MED12L: variants seen among roughly 807,000 people sequenced by gnomAD.
The protein encoded by MED12L is mediator of RNA polymerase II transcription subunit 12-like protein.
MED12L carries 60 observed loss-of-function variants against 281.3 expected under a neutral mutation model. The ratio of observed to expected loss-of-function variants is 0.21; its 90% CI spans 0.17 to 0.26. The LOEUF (loss-of-function observed/expected upper bound fraction) is 0.26, where lower values mean the gene tolerates loss of function less well. Among genes scored for constraint, MED12L ranks in the 10% least tolerant of loss-of-function variants. The pLI, the probability that MED12L is intolerant of heterozygous loss-of-function variation, is 1.00. For missense variants in MED12L, 2,146 were observed against 2,680.9 expected (o/e 0.80, Z 4.41); for synonymous variants, 974 against 987.2 (o/e 0.99, Z 0.25).
chr3:151,175,093 A>T (rs1411752988), intron 11 of MED12L, among the ~76,000 whole-genome samples: 1 of 152,234 alleles, frequency 6.6e-6, no homozygotes, highest in Non-Finnish European at 1.5e-5. Flanking sequence ...CTATTATCTT[A>T]TATTGGTGAC....
intron 16 of MED12L, among the ~76,000 whole-genome samples, chr3:151,321,517 A>T (rs560156548): frequency 6.6e-5 from 10 of 152,276 alleles, no homozygotes; most frequent in South Asian, 2.1e-4. Flanking sequence ...TATTTTTTTT[A>T]AAAAACCCAA....
At chr3:151,124,143 T>C (rs1560070602) in intron 4 of MED12L, among the ~76,000 whole-genome samples, 3 of 152,356 alleles carry the variant, frequency 2.0e-5, no homozygotes, top group Non-Finnish European at 2.9e-5. Flanking sequence ...ATACTTTCCA[T>C]GTTGCCAGCC....
At chr3:151,310,668 A>G (rs959756012) in intron 16 of MED12L, among the ~76,000 whole-genome samples, 1 of 152,208 alleles carries the variant, frequency 6.6e-6, no homozygotes, top group African/African-American at 2.4e-5. Flanking sequence ...AATTTCTCAT[A>G]TGGTTTTTAA....
chr3:151,360,654 T>G (rs1754494796), intron 21 of MED12L, 49 bp downstream of exon 21: 1 of 1,525,598 alleles, frequency 6.6e-7, no homozygotes, highest in Non-Finnish European at 8.9e-7. Context: ...TGCCTATGTT[T>G]GTTAGTGACC....
At position 151,436,425 on chromosome 3, in the gene MED12L, T is replaced by C. The variant is rs1483151355; in HGVS notation, c.*3621T>C. ...ACATTAGCCATTTGTTATTTTATAG[T>C]GAACCGTTTCAATGTTTGTTTATTG... On this transcript the variant is annotated 3_prime_UTR_variant, in exon 45 of 45. Coordinates refer to ENST00000687756, the MANE Select transcript of MED12L (RefSeq NM_001393769.1). 3 of 309,556 alleles carry C rather than the reference T, an allele frequency of 9.7e-6. No homozygotes were observed. The highest frequency in any genetic ancestry group is 1.8e-5 in the Non-Finnish European group (3 of 168,904). The allele number at this position is 309,556 out of a possible 1,614,324, so 19.2% of individuals were successfully genotyped here. A position where few individuals can be genotyped will look rare whatever the true frequency, so the allele number is the denominator to read the frequency against.
intron 16 of MED12L, among the ~76,000 whole-genome samples, chr3:151,245,610 G>A (rs1212423583): frequency 9.4e-5 from 14 of 149,540 alleles, no homozygotes; most frequent in African/African-American, 3.0e-4. Context: ...GGTATTGATG[G>A]GATGTATTTC....
rs1719847975 is a variant in MED12L at position 151,434,280 on chromosome 3, A to G, written c.*1476A>G. The G allele has an allele frequency of 6.6e-6, 1 of 152,182 alleles. No individual in the cohort carries two copies. Among genetic ancestry groups the G allele is most frequent in the Non-Finnish European group, 1.5e-5 (1 of 68,042 alleles). The allele number at this position is 152,182 out of a possible 1,614,324, so 9.4% of individuals were successfully genotyped here. A position where few individuals can be genotyped will look rare whatever the true frequency, so the allele number is the denominator to read the frequency against. On this transcript the variant is annotated 3_prime_UTR_variant, in exon 45 of 45. Coordinates refer to ENST00000687756, the MANE Select transcript of MED12L (RefSeq NM_001393769.1). Reference sequence around the variant, plus strand: ...TAGACATTTTCTTTTGCAAATCATTATCTATAAATAATTTATATCTTCCTG... The same window carrying G: ...TAGACATTTTCTTTTGCAAATCATTGTCTATAAATAATTTATATCTTCCTG...
intron 20 of MED12L, among the ~76,000 whole-genome samples, chr3:151,359,815 CA>C (rs1234294178): frequency 1.3e-5 from 2 of 152,098 alleles, no homozygotes; most frequent in Admixed American, 6.6e-5. Flanking sequence ...GAATGGACCA[CA>C]AGTGTTTACA....
chr3:151,372,773 T>A lies in MED12L; in HGVS notation c.3864+7T>A, dbSNP rs544948498. ...GAGGACTATCTGTCAACAGGTATTCTAATTTAATTTGCCTTTTACTTTGAG... is the reference window on the plus strand; with the variant it reads ...GAGGACTATCTGTCAACAGGTATTCAAATTTAATTTGCCTTTTACTTTGAG... On this transcript the variant is annotated splice_region_variant and intron_variant, in intron 27 of 44. Coordinates refer to ENST00000687756, the MANE Select transcript of MED12L (RefSeq NM_001393769.1). 6.2e-7 allele frequency: 1 copy of A among 1,608,688 alleles called. No individual in the cohort carries two copies. Among genetic ancestry groups the A allele is most frequent in the East Asian group, 2.2e-5 (1 of 44,844 alleles).
Position 151,289,897 on chromosome 3 carries a change from T to A in MED12L, c.2251-60162T>A, listed in dbSNP as rs985493213. 3.5e-5 allele frequency among the ~76,000 whole-genome samples: 5 copies of A among 144,840 alleles called. 1 individual carries two copies. The South Asian group carries it at 1.1e-3, about 33-fold the overall frequency. On this transcript the variant is annotated intron_variant, in intron 16 of 44. Coordinates refer to ENST00000687756, the MANE Select transcript of MED12L (RefSeq NM_001393769.1). Reference sequence around the variant, plus strand: ...TCGAACACAATTTTTTTTTTTTTTTTAAAGACAGAGTCTTGCTCTGTCACG... The same window carrying A: ...TCGAACACAATTTTTTTTTTTTTTTAAAAGACAGAGTCTTGCTCTGTCACG...
At chr3:151,172,587 G>A (rs1003939768) in intron 11 of MED12L, among the ~76,000 whole-genome samples, 3 of 152,182 alleles carry the variant, frequency 2.0e-5, no homozygotes, top group African/African-American at 4.8e-5. Flanking sequence ...GCAGTTGGAT[G>A]GCATTGATCC....
chr3:151,383,317 G>A (rs139876855), intron 33 of MED12L, among the ~76,000 whole-genome samples: 473 of 152,292 alleles, frequency 3.1e-3, no homozygotes, highest in African/African-American at 0.011. Flanking sequence ...GTAGGTGTGC[G>A]GGCCAAGCCT....
chr3:151,282,888 T>C (rs1743000917), intron 16 of MED12L, among the ~76,000 whole-genome samples: 1 of 152,244 alleles, frequency 6.6e-6, no homozygotes, highest in African/African-American at 2.4e-5. Context: ...CCTTTTTATG[T>C]TTCCCTATGT....
chr3:151,376,245 T>C (rs1756838198), intron 28 of MED12L, 31 bp downstream of exon 28: 1 of 1,350,426 alleles, frequency 7.4e-7, no homozygotes. Context: ...GTTTCTGTCA[T>C]TTGATAAATT....
intron 16 of MED12L, among the ~76,000 whole-genome samples, chr3:151,302,382 T>G (rs1746055083): frequency 6.6e-6 from 1 of 152,232 alleles, no homozygotes; most frequent in South Asian, 2.1e-4. Flanking sequence ...CATGCTAAAT[T>G]CTGGTAACTA....
chr3:151,095,311 A>G (rs576279171), intron 2 of MED12L, among the ~76,000 whole-genome samples: 3 of 152,296 alleles, frequency 2.0e-5, no homozygotes, highest in African/African-American at 7.2e-5. Flanking sequence ...AAATTGGCAA[A>G]TGCTACAAAT....
intron 4 of MED12L, among the ~76,000 whole-genome samples, chr3:151,123,941 G>GT (rs1714133790): frequency 6.6e-6 from 1 of 152,218 alleles, no homozygotes; most frequent in Non-Finnish European, 1.5e-5. Context: ...TTGGAAGAGT[G>GT]TAACAGTCAG....
chr3:151,382,333 C>T (rs9289836), intron 32 of MED12L, among the ~76,000 whole-genome samples: 40,574 of 151,934 alleles, frequency 0.27, 5,897 homozygotes, highest in South Asian at 0.38. Flanking sequence ...TGTTTTTCTT[C>T]GTAAGATCAA....
At chr3:151,377,843 G>T (rs1042110630) in intron 30 of MED12L, among the ~76,000 whole-genome samples, 169 bp from the exon 31 acceptor site, 4 of 152,168 alleles carry the variant, frequency 2.6e-5, no homozygotes, top group Non-Finnish European at 5.9e-5. Flanking sequence ...GAAAGCTCAT[G>T]CAAATGTCTA....
Sources: gnomAD v4.1 joint callset for allele counts (sites outside exome capture counted in the v4.1 genomes callset) on GRCh38, gnomAD v4.1.1 for gene constraint, MANE v1.5 for transcripts, NCBI Gene and HGNC (gene_info 2026-07-23, HGNC 2026-07-21) for gene names.